PAH: variants seen among roughly 807,000 people sequenced by gnomAD.
PAH encodes the protein phenylalanine hydroxylase, also known as phenylalanine-4-hydroxylase.
In PAH, 64 loss-of-function variants were observed where a neutral mutation model predicts 62.0. The observed-to-expected ratio is 1.03, with a 90% confidence interval of 0.84 to 1.27. The LOEUF is 1.27. Among genes scored for constraint, PAH ranks in the 50% most tolerant of loss-of-function variants. The pLI is 0.00. For missense variants in PAH, 579 were observed against 542.8 expected, an observed-to-expected ratio of 1.07 and a Z score of -0.66; for synonymous variants, 195 against 196.2, an observed-to-expected ratio of 0.99 and a Z score of 0.05.
rs1186273097 is a variant in PAH at position 102,879,213 on chromosome 12, T to C, written c.353-1663A>G. On this transcript the variant is annotated intron_variant, in intron 3 of 12. Transcript: ENST00000553106. ...AGCCTTCCTACGTGCCAGGCACTTC[T>C]GGTGGAGCATTTCTGGTGGAGTAGC... 2.0e-5 allele frequency among the ~76,000 whole-genome samples: 3 copies of C among 152,238 alleles called. No individual in the cohort carries two copies. In the East Asian group the frequency reaches 5.8e-4, roughly 29 times the overall value.
At chr12:102,908,503 T>G (rs189889642) in intron 2 of PAH, among the ~76,000 whole-genome samples, 1 of 152,364 alleles carries the variant, frequency 6.6e-6, no homozygotes, top group East Asian at 1.9e-4. Flanking sequence ...CTCTCTTCTC[T>G]ACACCCATTG....
chr12:102,908,554 G>T (rs1345778476), intron 2 of PAH, among the ~76,000 whole-genome samples: 1 of 151,996 alleles, frequency 6.6e-6, no homozygotes, highest in Non-Finnish European at 1.5e-5. Context: ...CCTCCCCCAG[G>T]TTTAATTTTT....
At chr12:102,841,262 G>T (rs1417724130) in intron 11 of PAH, among the ~76,000 whole-genome samples, 1 of 152,114 alleles carries the variant, frequency 6.6e-6, no homozygotes, top group Admixed American at 6.6e-5. Context: ...CCACCATGAG[G>T]GCCTCTATGA....
intron 1 of PAH, chr12:102,923,572 C>T (rs936237114): frequency 6.6e-6 from 1 of 152,076 alleles, no homozygotes; most frequent in African/African-American, 2.4e-5. Context: ...TGAGAACTTA[C>T]CAAAATTTTT....
At chr12:102,853,071 G>T in intron 6 of PAH, 121 bp from the exon 7 acceptor site, 1 of 1,075,918 alleles carries the variant, frequency 9.3e-7, no homozygotes, top group Non-Finnish European at 1.4e-6. Context: ...TTGACGCTAG[G>T]CAGACTTGGC....
Position 102,915,612 on chromosome 12 carries a change from C to T in PAH, c.60+1459G>A, listed in dbSNP as rs566788388. On this transcript the variant is annotated intron_variant, in intron 1 of 12. Transcript: ENST00000553106. ...ATCCCCCTTCACTTGCTCCATTTCT[C>T]TCCATGCACTTTGTAAATCAGTGTT... Among the ~76,000 whole-genome samples the T allele has an allele frequency of 4.1e-4, 62 of 152,356 alleles. No homozygotes were observed. The South Asian group carries it at 0.012, about 30-fold the overall frequency.
At chr12:102,903,398 A>ACC (rs1877844157) in intron 2 of PAH, among the ~76,000 whole-genome samples, 1 of 120,578 alleles carries the variant, frequency 8.3e-6, no homozygotes, top group African/African-American at 4.4e-5. Flanking sequence ...AAAACAAACA[A>ACC]AAAAAAACAA....
intron 2 of PAH, among the ~76,000 whole-genome samples, chr12:102,903,819 G>C (rs1877864467): frequency 6.6e-6 from 1 of 152,102 alleles, no homozygotes; most frequent in African/African-American, 2.4e-5. Flanking sequence ...TCAGAGCTCT[G>C]TACATCTGCT....
At position 102,917,098 on chromosome 12, in the gene PAH, C is replaced by T. The variant is rs772557951; in HGVS notation, c.33G>A (p.Leu11=). MSTAVLENPG[L]GRKLSDFGQE... ...GTCCAAAGTCAGAGAGTTTCCTGCC[C>T]AAGCCTGGGTTTTCCAGGACCGCAG... Residue 11 remains leucine (L), a synonymous_variant, in exon 1 of 13, where the codon TTG becomes TTA. Transcript: ENST00000553106. The T allele has an allele frequency of 1.2e-6, 2 of 1,614,200 alleles. No homozygotes were observed. Among genetic ancestry groups the T allele is most frequent in the Non-Finnish European group, 1.7e-6 (2 of 1,180,038 alleles).
chr12:102,851,866 G>A, intron 7 of PAH, 110 bp from the exon 8 acceptor site: 1 of 797,138 alleles, frequency 1.3e-6, no homozygotes, highest in Admixed American at 2.0e-5. Flanking sequence ...ACTCTTTTAG[G>A]CTTATGATCC....
intron 5 of PAH, among the ~76,000 whole-genome samples, chr12:102,856,174 C>T (rs2251799): frequency 0.41 from 62,613 of 151,862 alleles, 13,346 homozygotes; most frequent in African/African-American, 0.44. Flanking sequence ...TAAAATGCCT[C>T]ATACCTTCTC....
At chr12:102,900,504 G>A (rs995471002) in intron 2 of PAH, among the ~76,000 whole-genome samples, 1 of 152,066 alleles carries the variant, frequency 6.6e-6, no homozygotes, top group Non-Finnish European at 1.5e-5. Context: ...GTGGGGTGTG[G>A]GAGTTATGTA....
At position 102,840,437 on chromosome 12, in the gene PAH, A is replaced by G. The variant is rs59326968; in HGVS notation, c.1278T>C (p.Asn426=). 12,689 of 1,613,798 alleles carry G rather than the reference A, an allele frequency of 7.9e-3. 856 individuals are homozygous for G. In the African/African-American group the frequency reaches 0.14, roughly 18 times the overall value. Residue 426 remains asparagine (N), a synonymous_variant, in exon 12 of 13, where the codon AAT becomes AAC. Transcript: ENST00000553106. ...CAGCCAAAATCTTAAGCTGCTGGGT[A>G]TTGTCCAAGACCTCAATCCTTTGGG... ...PYTQRIEVLD[N]TQQLKILADS... is the part of the protein sequence containing the mutation.
intron 3 of PAH, among the ~76,000 whole-genome samples, chr12:102,892,062 C>T (rs536065957): frequency 6.6e-6 from 1 of 152,270 alleles, no homozygotes; most frequent in African/African-American, 2.4e-5. Flanking sequence ...AGGACTAATC[C>T]AGGGAGGAAT....
intron 3 of PAH, among the ~76,000 whole-genome samples, chr12:102,888,345 A>G (rs969999877): frequency 6.6e-6 from 1 of 151,872 alleles, no homozygotes; most frequent in Non-Finnish European, 1.5e-5. Flanking sequence ...CTTGTTTTCT[A>G]ATATTGAAAA....
intron 8 of PAH, chr12:102,847,271 A>G (rs1874893399): frequency 7.6e-6 from 3 of 394,132 alleles, no homozygotes; most frequent in Non-Finnish European, 1.4e-5. Context: ...ACTCCAGCTC[A>G]GTGATTATTC....
In PAH at chr12:102,855,140, C is replaced by T. The variant is rs993558609; in HGVS notation, c.702G>A (p.Leu234=). ...TTGACCCTGATGTGGACTTACTCTG[C>T]AGGAACTGAGAAACGTCTTCCAGCT... ...IPQLEDVSQF[L]QTCTGFRLRP... Residue 234 remains leucine, a synonymous_variant, in exon 6 of 13, where the codon CTG becomes CTA. Transcript: ENST00000553106. 6.2e-7 allele frequency: 1 copy of T among 1,613,448 alleles called. No individual in the cohort carries two copies. The highest frequency in any genetic ancestry group is 1.3e-5 in the African/African-American group (1 of 74,896).
intron 1 of PAH, among the ~76,000 whole-genome samples, chr12:102,927,102 G>A (rs1878703655): frequency 6.6e-6 from 1 of 151,944 alleles, no homozygotes; most frequent in Non-Finnish European, 1.5e-5. Context: ...GACACTTAGG[G>A]GCAGAGAAGG....
chr12:102,860,123 C>A (rs1875650492), intron 5 of PAH, among the ~76,000 whole-genome samples: 1 of 152,192 alleles, frequency 6.6e-6, no homozygotes, highest in East Asian at 1.9e-4. Context: ...TAATCAACTT[C>A]AGCAAAGTCT....
Sources: gnomAD v4.1 joint callset for allele counts (sites outside exome capture counted in the v4.1 genomes callset) on GRCh38, gnomAD v4.1.1 for gene constraint, MANE v1.5 for transcripts, NCBI Gene and HGNC (gene_info 2026-07-23, HGNC 2026-07-21) for gene names.